Variants in ROBO1 observed in about 807,000 individuals in gnomAD.
ROBO1 encodes the protein roundabout homolog 1.
ROBO1 carries 149 observed loss-of-function variants against 195.9 expected under a neutral mutation model. The observed-to-expected ratio is 0.76, with a 90% CI of 0.67 to 0.87. ROBO1 has a LOEUF of 0.87. ROBO1 is among the 40% of genes least tolerant of loss of function. The pLI is 0.00. For synonymous variants in ROBO1, 816 were observed against 733.2 expected (o/e 1.11, Z -1.82); for missense variants, 1,933 against 2,068.3 (o/e 0.93, Z 1.27).
intron 4 of ROBO1, among the ~76,000 whole-genome samples, chr3:78,806,951 G>A (rs971019227): frequency 1.3e-5 from 2 of 151,980 alleles, no homozygotes; most frequent in Non-Finnish European, 2.9e-5. Flanking sequence ...AGGATTACAG[G>A]CGTACACCAC....
intron 2 of ROBO1, among the ~76,000 whole-genome samples, chr3:79,406,448 AT>A (rs1051144354): frequency 2.6e-5 from 4 of 151,872 alleles, no homozygotes; most frequent in African/African-American, 9.7e-5. Flanking sequence ...GATAATAATA[AT>A]AATAAAACAC....
intron 4 of ROBO1, among the ~76,000 whole-genome samples, chr3:78,814,858 T>C (rs1183174304): frequency 6.6e-6 from 1 of 152,178 alleles, no homozygotes; most frequent in East Asian, 1.9e-4. Flanking sequence ...GCAGCAAGTC[T>C]GTCAGGGCCA....
At chr3:79,622,085 G>T (rs1485322323) in intron 1 of ROBO1, among the ~76,000 whole-genome samples, 4 of 152,134 alleles carry the variant, frequency 2.6e-5, no homozygotes, top group Admixed American at 6.5e-5. Flanking sequence ...TGGTTTGGCA[G>T]CCCACCTGAA....
chr3:79,535,075 A>AT (rs869285106), intron 2 of ROBO1, among the ~76,000 whole-genome samples: 5 of 28,108 alleles, frequency 1.8e-4, no homozygotes, highest in East Asian at 7.9e-4. Context: ...CAAATGCCTT[A>AT]TTTTTTTTTA....
chr3:79,590,390 A>G (rs575902882), intron 1 of ROBO1, among the ~76,000 whole-genome samples: 41 of 151,768 alleles, frequency 2.7e-4, no homozygotes, highest in African/African-American at 9.4e-4. Context: ...GCAGAAAAAA[A>G]CAAAAAACTT....
intron 2 of ROBO1, among the ~76,000 whole-genome samples, chr3:79,471,679 C>T (rs527576901): frequency 3.3e-5 from 5 of 151,952 alleles, no homozygotes; most frequent in South Asian, 2.1e-4. Flanking sequence ...CTTTTTGTCA[C>T]GCTTAAAAAT....
chr3:78,940,546 G>A (rs2040075598), intron 3 of ROBO1, among the ~76,000 whole-genome samples: 1 of 152,152 alleles, frequency 6.6e-6, no homozygotes, highest in African/African-American at 2.4e-5. Context: ...CAAGTACCTT[G>A]CGCATCCTCC....
At chr3:78,984,063 A>G (rs967728766) in intron 3 of ROBO1, among the ~76,000 whole-genome samples, 4 of 152,202 alleles carry the variant, frequency 2.6e-5, no homozygotes, top group Admixed American at 2.6e-4. Context: ...ATCATTAATA[A>G]CGAAGAATAA....
intron 2 of ROBO1, among the ~76,000 whole-genome samples, chr3:79,240,286 T>G (rs1309684238): frequency 6.6e-6 from 1 of 152,220 alleles, no homozygotes; most frequent in Non-Finnish European, 1.5e-5. Flanking sequence ...TTCACCTACG[T>G]TGTTGCAAAT....
intron 1 of ROBO1, among the ~76,000 whole-genome samples, chr3:79,745,510 G>T (rs1280965771): frequency 1.3e-5 from 2 of 152,166 alleles, no homozygotes; most frequent in Admixed American, 6.6e-5. Flanking sequence ...ATACAAAGGC[G>T]ATATGTCATA....
chr3:79,419,369 A>G (rs1016522080), intron 2 of ROBO1, among the ~76,000 whole-genome samples: 7 of 152,142 alleles, frequency 4.6e-5, no homozygotes. Flanking sequence ...TCCCTTGAGT[A>G]TGACATAGTC....
intron 2 of ROBO1, among the ~76,000 whole-genome samples, chr3:79,416,322 T>C (rs1410402926): frequency 6.6e-6 from 1 of 151,422 alleles, no homozygotes; most frequent in African/African-American, 2.4e-5. Flanking sequence ...GAGGTAAAAT[T>C]GGGCAGGGTG....
At chr3:79,451,118 G>A (rs2039429711) in intron 2 of ROBO1, among the ~76,000 whole-genome samples, 1 of 151,848 alleles carries the variant, frequency 6.6e-6, no homozygotes, top group South Asian at 2.1e-4. Flanking sequence ...GACTTAAAAT[G>A]AATAGCAGCC....
chr3:79,594,341 G>A (rs975067361), intron 1 of ROBO1, among the ~76,000 whole-genome samples: 7 of 151,942 alleles, frequency 4.6e-5, no homozygotes, highest in African/African-American at 9.7e-5. Flanking sequence ...ATATGAACAC[G>A]TTTTCCATGG....
intron 4 of ROBO1, among the ~76,000 whole-genome samples, chr3:78,781,202 G>A (rs764728045): frequency 1.3e-5 from 2 of 152,096 alleles, no homozygotes; most frequent in Non-Finnish European, 2.9e-5. Context: ...ACACCCTAGA[G>A]TCAATCTGTA....
intron 4 of ROBO1, among the ~76,000 whole-genome samples, chr3:78,791,159 T>C (rs963245623): frequency 3.9e-5 from 6 of 152,160 alleles, no homozygotes; most frequent in Non-Finnish European, 8.8e-5. Flanking sequence ...AAGTGTCTAC[T>C]TCTCTACTTT....
chr3:78,732,926 A>T (rs540321293), intron 5 of ROBO1, among the ~76,000 whole-genome samples: 10 of 152,298 alleles, frequency 6.6e-5, no homozygotes, highest in African/African-American at 2.4e-4. Flanking sequence ...TAAGAAGAGT[A>T]AACCTGTACC....
intron 2 of ROBO1, among the ~76,000 whole-genome samples, chr3:79,309,506 A>G (rs868585756): frequency 6.6e-6 from 1 of 152,110 alleles, no homozygotes; most frequent in African/African-American, 2.4e-5. Context: ...TTGGGTGGCT[A>G]AAGTGTGAGG....
chr3:79,084,382 C>T (rs972672316), intron 3 of ROBO1, among the ~76,000 whole-genome samples: 2 of 152,100 alleles, frequency 1.3e-5, no homozygotes, highest in African/African-American at 2.4e-5. Flanking sequence ...CCTGTAATCC[C>T]CGCTACTCAG....
Sources: gnomAD v4.1 joint callset for allele counts (sites outside exome capture counted in the v4.1 genomes callset) on GRCh38, gnomAD v4.1.1 for gene constraint, MANE v1.5 for transcripts, NCBI Gene and HGNC (gene_info 2026-07-23, HGNC 2026-07-21) for gene names.